NPR3: variants seen among roughly 807,000 people sequenced by gnomAD.
NPR3 encodes natriuretic peptide receptor 3.
A neutral mutation model predicts 54.5 loss-of-function variants in NPR3; 34 were observed. That is an observed-to-expected ratio of 0.62 (90% confidence interval 0.47 to 0.83). NPR3 has a LOEUF of 0.83. NPR3 is among the 40% of genes least tolerant of loss of function. The pLI, the probability that NPR3 is intolerant of heterozygous loss-of-function variation, is 0.00. For synonymous variants in NPR3, 289 were observed against 297.1 expected, an observed-to-expected ratio of 0.97 and a Z score of 0.28; for missense variants, 674 against 720.8, an observed-to-expected ratio of 0.94 and a Z score of 0.74.
At chr5:32,701,803 T>A (rs1278182762) in intron 1 of NPR3, among the ~76,000 whole-genome samples, 1 of 152,234 alleles carries the variant, frequency 6.6e-6, no homozygotes, top group Admixed American at 6.5e-5. Flanking sequence ...TGGTCTTGGA[T>A]GAGACACGAA....
upstream of NPR3, chr5:32,710,072 A>T (rs1738132367): frequency 6.6e-6 from 1 of 152,198 alleles, no homozygotes; most frequent in African/African-American, 2.4e-5. Context: ...TGGCTGCAGT[A>T]GGCACAGAAG....
Position 32,728,835 on chromosome 5 carries a change from GTGTATA to G in NPR3, c.892+4017_892+4022del, listed in dbSNP as rs1477144978. 4.5e-3 allele frequency among the ~76,000 whole-genome samples: 270 copies of G among 60,602 alleles called. 1 individual carries two copies. Among genetic ancestry groups the G allele is most frequent in the Admixed American group, 9.8e-3 (42 of 4,302 alleles). 39.8% of individuals were successfully genotyped at this position (60,602 alleles called of 152,430 possible). Reference sequence around the variant, plus strand: ...AATATTTGTGTGTGTGTGTGTGTGTGTGTATATATATATATATATATATATATATAT... The same window carrying G: ...AATATTTGTGTGTGTGTGTGTGTGTGTATATATATATATATATATATATAT... On this transcript the variant is annotated intron_variant, in intron 2 of 7. Coordinates refer to ENST00000265074, the MANE Select transcript of NPR3 (RefSeq NM_001204375.2).
chr5:32,758,443 G>A (rs946186919), intron 3 of NPR3, among the ~76,000 whole-genome samples: 1 of 152,072 alleles, frequency 6.6e-6, no homozygotes, highest in Non-Finnish European at 1.5e-5. Context: ...GTGATCGGTG[G>A]TGATATCCCC....
In NPR3 at chr5:32,724,840, C is replaced by T; in HGVS notation, c.892+20C>T. 2 of 1,613,484 alleles carry T rather than the reference C, an allele frequency of 1.2e-6. No homozygotes were observed. Among genetic ancestry groups the T allele is most frequent in the Non-Finnish European group, 8.5e-7 (1 of 1,179,790 alleles). On this transcript the variant is annotated intron_variant, in intron 2 of 7. Transcript: ENST00000265074. The stretch of plus-strand genomic sequence containing the variant: ...CCTATGGTAACTCTGCTTCCACTTT[C>T]CCCTCCTCTGCTAGGGTTCCAAGAG...
intron 1 of NPR3, among the ~76,000 whole-genome samples, chr5:32,703,919 C>T (rs960295559): frequency 2.0e-5 from 3 of 152,212 alleles, no homozygotes; most frequent in African/African-American, 7.2e-5. Context: ...TAGCACAGCA[C>T]CAGGACTTGC....
At chr5:32,709,287 C>T (rs1738090204), upstream of NPR3, 1 of 152,172 alleles carries the variant, frequency 6.6e-6, no homozygotes, top group African/African-American at 2.4e-5. Context: ...AGGACTGGGT[C>T]TCCGAGGCAG....
chr5:32,758,949 T>C (rs1449083632), intron 3 of NPR3, among the ~76,000 whole-genome samples: 1 of 152,224 alleles, frequency 6.6e-6, no homozygotes, highest in East Asian at 1.9e-4. Flanking sequence ...TCTAGTTTGA[T>C]TGCACTGTGG....
In NPR3 at chr5:32,712,330, GCGAGATGATGCTCGC is replaced by G. The variant is rs1423308439; in HGVS notation, c.556_570del (p.Glu186_Ala190del). On this transcript the variant is annotated inframe_deletion, in exon 1 of 8. Coordinates refer to ENST00000265074, the MANE Select transcript of NPR3 (RefSeq NM_001204375.2). ...GTGGCGCCCGCCTACGCCAAGATGG[GCGAGATGATGCTCGC>G]CCTGTTCCGCCACCACCACTGGAGC... 6.2e-7 allele frequency: 1 copy of G among 1,613,458 alleles called. No homozygotes were observed.
chr5:32,745,828 A>T (rs950510493), intron 3 of NPR3, among the ~76,000 whole-genome samples: 1 of 152,202 alleles, frequency 6.6e-6, no homozygotes, highest in Non-Finnish European at 1.5e-5. Context: ...TTTCTGAAGT[A>T]TAAACCATCA....
intron 3 of NPR3, among the ~76,000 whole-genome samples, chr5:32,762,629 C>T (rs1741237436): frequency 6.6e-6 from 1 of 151,968 alleles, no homozygotes; most frequent in African/African-American, 2.4e-5. Flanking sequence ...TCATATCCTT[C>T]TGTTTTTAAG....
At chr5:32,751,363 C>T (rs1162484090) in intron 3 of NPR3, among the ~76,000 whole-genome samples, 1 of 152,164 alleles carries the variant, frequency 6.6e-6, no homozygotes. Context: ...GAGACCATCT[C>T]CTCTGAAATG....
At chr5:32,705,977 G>C (rs1286835336), upstream of NPR3, among the ~76,000 whole-genome samples, 1 of 152,212 alleles carries the variant, frequency 6.6e-6, no homozygotes, top group African/African-American at 2.4e-5. Context: ...TTTATTTGGA[G>C]AATTGTCCCT....
intron 3 of NPR3, among the ~76,000 whole-genome samples, chr5:32,760,463 T>C (rs757433269): frequency 2.0e-5 from 3 of 152,346 alleles, no homozygotes; most frequent in Middle Eastern, 3.4e-3. Flanking sequence ...GAGCTACTTT[T>C]CATGTGCTTG....
intron 2 of NPR3, among the ~76,000 whole-genome samples, chr5:32,734,285 T>G (rs546520052): frequency 2.0e-5 from 3 of 152,304 alleles, no homozygotes; most frequent in African/African-American, 7.2e-5. Context: ...CCAGGCCAGG[T>G]GAATGCTTAG....
chr5:32,760,680 TA>T (rs1353137654), intron 3 of NPR3, among the ~76,000 whole-genome samples: 3 of 151,654 alleles, frequency 2.0e-5, no homozygotes, highest in African/African-American at 7.2e-5. Context: ...TTTTTTTTTT[TA>T]AATTTAGATG....
chr5:32,777,612 T>C (rs1742125084), intron 4 of NPR3, among the ~76,000 whole-genome samples: 1 of 152,156 alleles, frequency 6.6e-6, no homozygotes. Context: ...CCTCAGTTCT[T>C]AGAAAGGGCA....
intron 3 of NPR3, among the ~76,000 whole-genome samples, chr5:32,761,927 T>TG (rs1327419220): frequency 6.6e-6 from 1 of 152,188 alleles, no homozygotes; most frequent in Non-Finnish European, 1.5e-5. Flanking sequence ...TTTCTCCTAA[T>TG]GCTATCCTTC....
chr5:32,717,169 C>A (rs191168177), intron 1 of NPR3, among the ~76,000 whole-genome samples: 1 of 152,184 alleles, frequency 6.6e-6, no homozygotes, highest in Admixed American at 6.5e-5. Context: ...CATTTCCCTG[C>A]AAAGGACATG....
rs1340326904 is a variant in NPR3, at chr5:32,787,131, A to G, written c.*786A>G. 1.3e-5 allele frequency: 2 copies of G among 152,660 alleles called. No individual in the cohort carries two copies. The highest frequency in any genetic ancestry group is 2.4e-5 in the African/African-American group (1 of 41,462). 9.5% of individuals were successfully genotyped at this position (152,660 alleles called of 1,614,324 possible). ...TCTATTTTTTCATTTTGAAGATTAAATGTTGCTTACATTTTAAAAGCATGG... is the reference window on the plus strand; with the variant it reads ...TCTATTTTTTCATTTTGAAGATTAAGTGTTGCTTACATTTTAAAAGCATGG... On this transcript the variant is annotated 3_prime_UTR_variant, in exon 8 of 8. Coordinates refer to ENST00000265074, the MANE Select transcript of NPR3 (RefSeq NM_001204375.2).
Sources: allele counts gnomAD v4.1 joint callset (sites outside exome capture counted in the v4.1 genomes callset), GRCh38; gene constraint gnomAD v4.1.1; transcripts MANE v1.5; gene names NCBI Gene and HGNC (gene_info 2026-07-23, HGNC 2026-07-21).